Variants in DOP1A observed in about 807,000 individuals in gnomAD.
The protein encoded by DOP1A is DOP1 leucine zipper like protein A.
DOP1A carries 90 observed loss-of-function variants against 267.6 expected under a neutral mutation model. The ratio of observed to expected loss-of-function variants is 0.34; its 90% CI spans 0.28 to 0.40. The LOEUF is 0.40. Ranked by LOEUF, DOP1A falls within the 10% of genes least tolerant of loss-of-function variation. The probability of loss-of-function intolerance (pLI) is 1.00; values close to 1 mark genes in which losing one functional copy is unlikely to be tolerated. For synonymous variants in DOP1A, 932 were observed against 999.1 expected, an observed-to-expected ratio of 0.93 and a Z score of 1.27; for missense variants, 2,437 against 2,900.4, an observed-to-expected ratio of 0.84 and a Z score of 3.67.
intron 13 of DOP1A, 25 bp from the exon 14 acceptor site, chr6:83,125,141 A>T (rs202082083): frequency 3.3e-5 from 52 of 1,574,686 alleles, no homozygotes; most frequent in Non-Finnish European, 4.2e-5. Context: ...TTCTCTCCTC[A>T]CTTCTTTGCT....
chr6:83,155,810 G>A, intron 33 of DOP1A, 141 bp from the exon 34 acceptor site: 1 of 938,866 alleles, frequency 1.1e-6, no homozygotes, highest in Non-Finnish European at 1.5e-6. Context: ...CAGCCTGTCT[G>A]CCCCAGAGAG....
At chr6:83,155,671 G>T (rs574862465) in intron 33 of DOP1A, among the ~76,000 whole-genome samples, 1 of 152,214 alleles carries the variant, frequency 6.6e-6, no homozygotes, top group Non-Finnish European at 1.5e-5. Flanking sequence ...ATATTAAAGG[G>T]TTTCCTCAGG....
chr6:83,161,969 A>G (rs760313559), intron 37 of DOP1A, among the ~76,000 whole-genome samples: 2 of 152,170 alleles, frequency 1.3e-5, no homozygotes, highest in Non-Finnish European at 2.9e-5. Context: ...TGTTAAAAAG[A>G]ATGAAGTTTT....
rs1786322208 is a variant in DOP1A, at chr6:83,168,190, G to C, written c.*23G>C. On this transcript the variant is annotated 3_prime_UTR_variant, in exon 39 of 39. Coordinates refer to ENST00000349129, the MANE Select transcript of DOP1A (RefSeq NM_015018.4). The stretch of plus-strand genomic sequence containing the variant: ...TGAGCACCATTGCTGGTTCCATTTA[G>C]CTTACATGTAAATGTAATTATTTAA... The C allele has an allele frequency of 6.3e-7, 1 of 1,593,440 alleles. No individual in the cohort carries two copies. Among genetic ancestry groups the C allele is most frequent in the South Asian group, 1.1e-5 (1 of 87,358 alleles).
intron 12 of DOP1A, among the ~76,000 whole-genome samples, chr6:83,124,341 G>C (rs1379364900): frequency 6.6e-6 from 1 of 152,058 alleles, no homozygotes; most frequent in Non-Finnish European, 1.5e-5. Context: ...CAGTAGTACA[G>C]AAGGACAAAT....
intron 26 of DOP1A, among the ~76,000 whole-genome samples, chr6:83,148,073 T>C (rs575041177): frequency 6.6e-6 from 1 of 152,310 alleles, no homozygotes; most frequent in African/African-American, 2.4e-5. Context: ...ATTTTACTTT[T>C]GAGATCCCAT....
intron 23 of DOP1A, among the ~76,000 whole-genome samples, chr6:83,141,545 T>C (rs1284748195): frequency 2.0e-5 from 3 of 152,224 alleles, no homozygotes; most frequent in Non-Finnish European, 2.9e-5. Context: ...GATTAAACTA[T>C]ACTTTTTATG....
At position 83,157,091 on chromosome 6, in the gene DOP1A, C is replaced by T. The variant is rs1583165486; in HGVS notation, c.6605-91C>T. 2.6e-5 allele frequency: 33 copies of T among 1,278,234 alleles called. No individual in the cohort carries two copies. In the East Asian group the frequency reaches 7.6e-4, roughly 30 times the overall value. 79.2% of individuals were successfully genotyped at this position (1,278,234 alleles called of 1,614,324 possible). A position where few individuals can be genotyped will look rare whatever the true frequency, so the allele number is the denominator to read the frequency against. On this transcript the variant is annotated intron_variant, in intron 34 of 38. Transcript: ENST00000349129. ...TTTTTTTAAAGTTTATCCTTTACTA[C>T]AGATAGTTTGAGAGTACTGGACCGA...
rs147779117 is a variant in DOP1A, at chr6:83,074,358, G to A, written c.-147+6579G>A. 2.4e-3 allele frequency among the ~76,000 whole-genome samples: 366 copies of A among 152,078 alleles called. 2 individuals carry two copies. Among genetic ancestry groups the A allele is most frequent in the African/African-American group, 8.3e-3 (345 of 41,500 alleles). ...AGGAAATACCACATTTTACACAGTT[G>A]CTATTTCATGTTCTTTAGGGACATT... On this transcript the variant is annotated intron_variant, in intron 1 of 38. Transcript: ENST00000349129.
At chr6:83,084,558 A>ATACCTAAG (rs1213567052) in intron 1 of DOP1A, among the ~76,000 whole-genome samples, 100 of 152,196 alleles carry the variant, frequency 6.6e-4, no homozygotes, top group African/African-American at 2.3e-3. Flanking sequence ...TGGGAGTATC[A>ATACCTAAG]TACCTAAGTA....
chr6:83,155,954 G>C lies in DOP1A; in HGVS notation c.6455G>C (p.Arg2152Pro). ...TCTCTTTCACTTGCTTTTTCAGCTC[G>C]TGTAGCAGTGGCTCAAAGCAGTTCA... The part of the protein sequence containing the change: ...DKTTFRDLMT[R>P]VAVAQSSSLN... Residue 2152 changes from arginine (R) to proline (P), a missense_variant, in exon 34 of 39, where the codon CGT becomes CCT. Physicochemically the swap from Arg to Pro is moderately radical, Grantham distance 103 (BLOSUM62 -2). Coordinates refer to ENST00000349129, the MANE Select transcript of DOP1A (RefSeq NM_015018.4). The C allele has an allele frequency of 6.2e-7, 1 of 1,609,980 alleles. No homozygotes were observed. The highest frequency in any genetic ancestry group is 1.1e-5 in the South Asian group (1 of 89,694).
chr6:83,119,102 G>T lies in DOP1A; in HGVS notation c.880+115G>T, dbSNP rs1054088201. 7 of 803,548 alleles carry T rather than the reference G, an allele frequency of 8.7e-6. No homozygotes were observed. In the African/African-American group the frequency reaches 1.2e-4, roughly 14 times the overall value. 49.8% of individuals were successfully genotyped at this position (803,548 alleles called of 1,614,324 possible). On this transcript the variant is annotated intron_variant, in intron 8 of 38. Transcript: ENST00000349129. The stretch of plus-strand genomic sequence containing the variant: ...GAATTTAAAAACTAAAATCTCTTGT[G>T]TAAATGGACAATAAAAATATAAACA...
chr6:83,083,846 A>G (rs1439523560), intron 1 of DOP1A, among the ~76,000 whole-genome samples: 1 of 152,232 alleles, frequency 6.6e-6, no homozygotes, highest in Non-Finnish European at 1.5e-5. Flanking sequence ...ATTCCAAGTT[A>G]TAAATGGTGC....
At chr6:83,091,368 A>G (rs1225008590) in intron 1 of DOP1A, among the ~76,000 whole-genome samples, 1 of 152,164 alleles carries the variant, frequency 6.6e-6, no homozygotes, top group Non-Finnish European at 1.5e-5. Context: ...CTCATTTTTC[A>G]GCAATTTAAG....
chr6:83,148,151 C>T (rs746204141), intron 26 of DOP1A, among the ~76,000 whole-genome samples: 3 of 152,126 alleles, frequency 2.0e-5, no homozygotes, highest in Non-Finnish European at 4.4e-5. Context: ...CGGTGACTCT[C>T]GCCTGTAATC....
Position 83,142,043 on chromosome 6 carries a change from C to A in DOP1A, c.5538C>A (p.Thr1846=), listed in dbSNP as rs776473285. The part of the protein sequence containing the change: ...ERRQNKTTTR[T]KVIPAASEEQ... ...GACAGAATAAAACAACCACCAGGAC[C>A]AAGGTATGTATTTAGACATTTGGCA... The change falls in exon 24 of 39, where the codon ACC becomes ACA. Residue 1846 remains threonine (T), a synonymous_variant. Coordinates refer to ENST00000349129, the MANE Select transcript of DOP1A (RefSeq NM_015018.4). 3 of 1,610,548 alleles carry A rather than the reference C, an allele frequency of 1.9e-6. No homozygotes were observed. The highest frequency in any genetic ancestry group is 2.5e-6 in the Non-Finnish European group (3 of 1,179,112).
rs766240617 is a variant in DOP1A at position 83,151,890 on chromosome 6, C to T, written c.5912C>T (p.Thr1971Ile). 2.5e-6 allele frequency: 4 copies of T among 1,613,632 alleles called. No homozygotes were observed. In the East Asian group the frequency reaches 8.9e-5, roughly 36 times the overall value. ...KKDQRDLQDVTHKIVDAIGAI... is the reference protein window; with the variant it reads ...KKDQRDLQDVIHKIVDAIGAI... ...TCTTCCTTATTTTTTTAGGATGTAA[C>T]TCACAAAATAGTGGATGCAATTGGT... Residue 1971 changes from threonine (T) to isoleucine (I), a missense_variant, in exon 29 of 39, where the codon ACT becomes ATT. Thr to Ile is a moderately conservative substitution (Grantham distance 89, BLOSUM62 -1). Transcript: ENST00000349129.
rs201775104 is a variant in DOP1A, at chr6:83,138,061, G to C, written c.4019G>C (p.Gly1340Ala). 6.2e-7 allele frequency: 1 copy of C among 1,613,540 alleles called. No homozygotes were observed. Among genetic ancestry groups the C allele is most frequent in the Non-Finnish European group, 8.5e-7 (1 of 1,179,730 alleles). ...DLENWYSCGE[G>A]DISEIESDMG... The stretch of plus-strand genomic sequence containing the variant: ...GAGAACTGGTATAGCTGTGGAGAGG[G>C]AGACATTTCTGAAATTGAGAGTGAC... The change falls in exon 21 of 39, where the codon GGA (glycine) becomes GCA (alanine). Residue 1340 changes from glycine (G) to alanine (A), a missense_variant. Transcript: ENST00000349129.
rs1288599880 is a variant in DOP1A at position 83,121,857 on chromosome 6, G to T, written c.1100-73G>T. Reference sequence around the variant, plus strand: ...CTTGTTTTTAAAACATTGTTTCATTGGGCCAATTTTCAGATAAGCATGATT... The same window carrying T: ...CTTGTTTTTAAAACATTGTTTCATTTGGCCAATTTTCAGATAAGCATGATT... On this transcript the variant is annotated intron_variant, in intron 10 of 38. Transcript: ENST00000349129. 10 of 1,440,826 alleles carry T rather than the reference G, an allele frequency of 6.9e-6. No homozygotes were observed. The East Asian group carries it at 1.9e-4, about 28-fold the overall frequency. The allele number at this position is 1,440,826 out of a possible 1,614,324, so 89.3% of individuals were successfully genotyped here.
Sources: allele counts gnomAD v4.1 joint callset (sites outside exome capture counted in the v4.1 genomes callset), GRCh38; gene constraint gnomAD v4.1.1; transcripts MANE v1.5; gene names NCBI Gene and HGNC (gene_info 2026-07-23, HGNC 2026-07-21).